The following PNPLA6 variants were observed in gnomAD, a reference collection of about 807,000 sequenced individuals.
The protein encoded by PNPLA6 is patatin-like phospholipase domain-containing protein 6.
In PNPLA6, 105 loss-of-function variants were observed where a neutral mutation model predicts 153.7. That is an observed-to-expected ratio of 0.68 (90% confidence interval 0.58 to 0.80). PNPLA6 has a LOEUF of 0.80. Ranked by LOEUF, PNPLA6 falls within the 30% of genes least tolerant of loss-of-function variation. PNPLA6 has a pLI of 0.00. For missense variants in PNPLA6, 1,423 were observed against 1,919.3 expected, an observed-to-expected ratio of 0.74 and a Z score of 4.83; for synonymous variants, 825 against 822.2, an observed-to-expected ratio of 1.00 and a Z score of -0.06.
Position 7,550,625 on chromosome 19 carries a change from C to A in PNPLA6, c.2055C>A (p.Gly685=), listed in dbSNP as rs769701909. 1 of 1,611,334 alleles carries A rather than the reference C, an allele frequency of 6.2e-7. No homozygotes were observed. Among genetic ancestry groups the A allele is most frequent in the Admixed American group, 1.7e-5 (1 of 59,904 alleles). Residue 685 remains glycine (G), a synonymous_variant, in exon 16 of 32, where the codon GGC becomes GGA. Transcript: ENST00000600737. ...KKELVGEYGR[G]DLIGVVEALT... is the part of the protein sequence containing the mutation. ...AGCTGGTGGGCGAGTACGGCCGCGG[C>A]GACCTCATCGGCGTGGTGAGCGCGA...
chr19:7,558,525 G>C (rs569073668), intron 27 of PNPLA6, among the ~76,000 whole-genome samples: 1 of 152,144 alleles, frequency 6.6e-6, no homozygotes, highest in African/African-American at 2.4e-5. Flanking sequence ...CCAGCTACTT[G>C]AGAGGCTGAG....
intron 13 of PNPLA6, among the ~76,000 whole-genome samples, chr19:7,547,089 G>C (rs1017993504): frequency 3.3e-5 from 5 of 151,960 alleles, no homozygotes; most frequent in Admixed American, 1.3e-4. Flanking sequence ...ATTTTTAGTA[G>C]AAACACGGTT....
chr19:7,551,443 A>C lies in PNPLA6; in HGVS notation c.2260+6A>C. 2 of 1,612,874 alleles carry C rather than the reference A, an allele frequency of 1.2e-6. No individual in the cohort carries two copies. Among genetic ancestry groups the C allele is most frequent in the Non-Finnish European group, 1.7e-6 (2 of 1,179,112 alleles). ...GCTGCAAGGACCCTTCCCAGGTGAG[A>C]GCCGGCCGGCCCAGAGCGTGCTGGG... On this transcript the variant is annotated splice_donor_region_variant and intron_variant, in intron 18 of 31. Coordinates refer to ENST00000600737, the MANE Select transcript of PNPLA6 (RefSeq NM_001166114.2).
rs750059228 is a variant in PNPLA6, at chr19:7,541,731, C to T, written c.1168+47C>T. ...GCCGAGCCCAATCTCCCAGGAAGCC[C>T]CGTCTCAGCCGCCAGCCCCTTTTTC... On this transcript the variant is annotated intron_variant, in intron 9 of 31. Transcript: ENST00000600737. The surrounding 1 kb of genome is among the most constrained non-coding windows in gnomAD (Gnocchi z 5.2). 1 of 1,534,552 alleles carries T rather than the reference C, an allele frequency of 6.5e-7. No individual in the cohort carries two copies.
chr19:7,561,575 G>C lies in PNPLA6; in HGVS notation c.*13G>C. ...CACAGATGCCTGAGGACCTCGACAGGGGTCACCCCCTCCCTCCCACCCCTG... is the reference window on the plus strand; with the variant it reads ...CACAGATGCCTGAGGACCTCGACAGCGGTCACCCCCTCCCTCCCACCCCTG... On this transcript the variant is annotated 3_prime_UTR_variant, in exon 32 of 32. Transcript: ENST00000600737. 10 of 1,574,920 alleles carry C rather than the reference G, an allele frequency of 6.3e-6. No homozygotes were observed. Among genetic ancestry groups the C allele is most frequent in the Non-Finnish European group, 7.8e-6 (9 of 1,160,926 alleles).
rs1284411185 is a variant in PNPLA6, at chr19:7,535,924, G to T, written c.136G>T (p.Val46Phe). 6.4e-7 allele frequency: 1 copy of T among 1,574,486 alleles called. No homozygotes were observed. The highest frequency in any genetic ancestry group is 1.3e-5 in the African/African-American group (1 of 74,768). Residue 46 changes from valine to phenylalanine, a missense_variant, in exon 1 of 32, where the codon GTC becomes TTC. Val to Phe is a conservative substitution (Grantham distance 50). Transcript: ENST00000600737. The surrounding 1 kb of genome is among the most constrained non-coding windows in gnomAD (Gnocchi z 5.0). The part of the protein sequence containing the change: ...RICGAQPVPF[V>F]PQVLGVMIGA... ...TTGCGGTGCGCAGCCAGTGCCGTTCGTCCCTCAGGTGCTTGGCGTGATGAT... is the reference window on the plus strand; with the variant it reads ...TTGCGGTGCGCAGCCAGTGCCGTTCTTCCCTCAGGTGCTTGGCGTGATGAT...
Position 7,550,026 on chromosome 19 carries a change from G to A in PNPLA6, c.1728G>A (p.Ala576=). Residue 576 remains alanine, a synonymous_variant, in exon 14 of 32, where the codon GCG becomes GCA. Transcript: ENST00000600737. ...AQPGELVGQL[A]VLTGEPLIFT... is the part of the protein sequence containing the mutation. ...CCGGGGAACTGGTGGGGCAGCTGGC[G>A]GTGCTCACTGGCGAACCTCTCATCT... 2 of 1,614,018 alleles carry A rather than the reference G, an allele frequency of 1.2e-6. No individual in the cohort carries two copies. The highest frequency in any genetic ancestry group is 1.3e-5 in the African/African-American group (1 of 75,062).
At chr19:7,542,203 A>G (rs940043273) in intron 10 of PNPLA6, 136 bp downstream of exon 10, 1 of 710,722 alleles carries the variant, frequency 1.4e-6, no homozygotes, top group East Asian at 2.7e-5. Context: ...TGTTTTGTAG[A>G]TATTCATTGA....
chr19:7,551,507 C>G (rs1568416968), intron 18 of PNPLA6, 70 bp downstream of exon 18: 1 of 1,300,416 alleles, frequency 7.7e-7, no homozygotes, highest in African/African-American at 1.5e-5. Context: ...GGGAGGGAAG[C>G]CTTCTTTCCT....
chr19:7,538,614 G>C (rs954110755), intron 3 of PNPLA6, among the ~76,000 whole-genome samples: 3 of 152,156 alleles, frequency 2.0e-5, no homozygotes, highest in Non-Finnish European at 2.9e-5. Flanking sequence ...TGTGGGGAAG[G>C]GCTCTCCCAG....
Position 7,540,508 on chromosome 19 carries a change from A to T in PNPLA6, c.715-122A>T. ...CGATGGGAGATGCCTGCTCGTTGGAAGGGTTGGTGGGTTCCCCTGAGAAGG... is the reference window on the plus strand; with the variant it reads ...CGATGGGAGATGCCTGCTCGTTGGATGGGTTGGTGGGTTCCCCTGAGAAGG... On this transcript the variant is annotated intron_variant, in intron 5 of 31. Transcript: ENST00000600737. The surrounding 1 kb of genome is among the most constrained non-coding windows in gnomAD (Gnocchi z 6.8). 9.8e-7 allele frequency: 1 copy of T among 1,021,964 alleles called. No homozygotes were observed. 63.3% of individuals were successfully genotyped at this position (1,021,964 alleles called of 1,614,324 possible). A position where few individuals can be genotyped will look rare whatever the true frequency, so the allele number is the denominator to read the frequency against.
intron 10 of PNPLA6, 67 bp downstream of exon 10, chr19:7,542,134 G>A: frequency 1.5e-6 from 2 of 1,292,452 alleles, no homozygotes; most frequent in South Asian, 2.4e-5. Flanking sequence ...TCCACCGCCT[G>A]CCTGTCTTGA....
intron 14 of PNPLA6, 91 bp from the exon 15 acceptor site, chr19:7,550,207 G>T: frequency 3.7e-6 from 6 of 1,609,478 alleles, no homozygotes; most frequent in Non-Finnish European, 4.2e-6. Flanking sequence ...ACTCCTGGAA[G>T]AGCAGAAGGG....
rs2023080167 is a variant in PNPLA6, at chr19:7,540,454, G to A, written c.714+146G>A. ...ACCGAGGACATTTGGGGTAGTCTGC[G>A]TAGTTGCTCAGTAGTTACAAGTATT... On this transcript the variant is annotated intron_variant, in intron 5 of 31. Transcript: ENST00000600737. The surrounding 1 kb of genome is among the most constrained non-coding windows in gnomAD (Gnocchi z 6.8). The A allele has an allele frequency of 5.6e-6, 6 of 1,066,582 alleles. No individual in the cohort carries two copies. In the South Asian group the frequency reaches 5.9e-5, roughly 10 times the overall value. The allele number at this position is 1,066,582 out of a possible 1,614,324, so 66.1% of individuals were successfully genotyped here.
In PNPLA6 at chr19:7,550,648, C is replaced by G. The variant is rs2146088599; in HGVS notation, c.2070+8C>G. ...GGCGACCTCATCGGCGTGGTGAGCG[C>G]GACCCCCACCCACTGACCTCTGGCC... On this transcript the variant is annotated splice_region_variant and intron_variant, in intron 16 of 31. Transcript: ENST00000600737. 6.2e-7 allele frequency: 1 copy of G among 1,609,752 alleles called. No individual in the cohort carries two copies. The highest frequency in any genetic ancestry group is 8.5e-7 in the Non-Finnish European group (1 of 1,179,462).
At chr19:7,551,674 G>A (rs1052178250) in intron 18 of PNPLA6, among the ~76,000 whole-genome samples, 2 of 152,166 alleles carry the variant, frequency 1.3e-5, no homozygotes, top group Admixed American at 6.6e-5. Flanking sequence ...GCTAGTTAAT[G>A]GGCTCGAAAG....
chr19:7,539,984 A>T lies in PNPLA6; in HGVS notation c.480A>T (p.Glu160Asp). 6.3e-7 allele frequency: 1 copy of T among 1,588,716 alleles called. No individual in the cohort carries two copies. The highest frequency in any genetic ancestry group is 8.6e-7 in the Non-Finnish European group (1 of 1,167,634). ...QRKEPPPAVL[E>D]ADLTEGDLAN... The stretch of plus-strand genomic sequence containing the variant: ...AGGAGCCCCCGCCCGCAGTGCTAGA[A>T]GCTGACCTGACCGAGGGCGACCTGG... Residue 160 changes from glutamate (E) to aspartate (D), a missense_variant, in exon 4 of 32, where the codon GAA becomes GAT. Glu to Asp is a conservative substitution (Grantham distance 45). Around this residue, in one of 10 missense-constraint regions of PNPLA6, gnomAD observed 74 missense variants for 171.3 expected, o/e 0.43. Coordinates refer to ENST00000600737, the MANE Select transcript of PNPLA6 (RefSeq NM_001166114.2).
chr19:7,541,480 T>C lies in PNPLA6; in HGVS notation c.1006-42T>C. 1 of 1,611,236 alleles carries C rather than the reference T, an allele frequency of 6.2e-7. No individual in the cohort carries two copies. Among genetic ancestry groups the C allele is most frequent in the Non-Finnish European group, 8.5e-7 (1 of 1,178,596 alleles). On this transcript the variant is annotated intron_variant, in intron 8 of 31. Coordinates refer to ENST00000600737, the MANE Select transcript of PNPLA6 (RefSeq NM_001166114.2). The surrounding 1 kb of genome is among the most constrained non-coding windows in gnomAD (Gnocchi z 5.2). The stretch of plus-strand genomic sequence containing the variant: ...GAGCACAGGGGGGATGGGGGCGAGG[T>C]CTCCCTCCCAGGACAGGCCACAAGC...
rs1232802019 is a variant in PNPLA6, at chr19:7,550,110, T to A, written c.1812T>A (p.Tyr604Ter). 4 of 1,614,018 alleles carry A rather than the reference T, an allele frequency of 2.5e-6. No homozygotes were observed. Among genetic ancestry groups the A allele is most frequent in the Non-Finnish European group, 3.4e-6 (4 of 1,180,022 alleles). ...TGCGGATCTCCAAGTCCGACTTCTA[T>A]GAGTATGACAGCCCGAAGTTGGAGT... ...TFLRISKSDF[Y>*]EIMRAQPSVV... Residue 604 changes from tyrosine to a stop codon, truncating the protein, a stop_gained and splice_region_variant, in exon 14 of 32, where the codon TAT becomes TAA. Coordinates refer to ENST00000600737, the MANE Select transcript of PNPLA6 (RefSeq NM_001166114.2). LOFTEE classifies it high-confidence loss of function.
Sources: allele counts gnomAD v4.1 joint callset (sites outside exome capture counted in the v4.1 genomes callset), GRCh38; gene constraint gnomAD v4.1.1; regional missense constraint gnomAD v4.1.1; non-coding constraint Gnocchi (gnomAD v3.1); transcripts MANE v1.5; gene names NCBI Gene and HGNC (gene_info 2026-07-23, HGNC 2026-07-21).